Variants in SCFD1 observed in about 807,000 individuals in gnomAD.
SCFD1 encodes the protein sec1 family domain-containing protein 1.
Under a neutral mutation model 103.2 loss-of-function variants are expected in SCFD1, and 37 were observed. The ratio of observed to expected loss-of-function variants is 0.36; its 90% CI spans 0.28 to 0.47. SCFD1 has a LOEUF of 0.47. SCFD1 is among the 20% of genes least tolerant of loss of function. The probability of loss-of-function intolerance (pLI) is 1.00; values close to 1 mark genes in which losing one functional copy is unlikely to be tolerated. For missense variants in SCFD1, 639 were observed against 761.2 expected (o/e 0.84, Z 1.89); for synonymous variants, 264 against 245.0 (o/e 1.08, Z -0.73).
chr14:30,729,766 G>T (rs998913869), intron 23 of SCFD1, among the ~76,000 whole-genome samples: 3 of 152,068 alleles, frequency 2.0e-5, no homozygotes, highest in Non-Finnish European at 2.9e-5. Context: ...GTTAATTAAG[G>T]CTTCTGGTCC....
At chr14:30,702,439 A>ATTTTCTTG in intron 17 of SCFD1, 64 bp downstream of exon 17, 1 of 986,760 alleles carries the variant, frequency 1.0e-6, no homozygotes, top group Non-Finnish European at 1.5e-6. Context: ...CTTCATTCCC[A>ATTTTCTTG]AGAAAATGGG....
Position 30,735,007 on chromosome 14 carries a change from C to T in SCFD1, c.1905+149C>T, listed in dbSNP as rs1026357922. ...TACCAAGATAAGGTGTTTTCATGGA[C>T]GACTAAGAAAACCTTGATAAGTAAT... is the stretch of plus-strand genomic sequence containing the variant. On this transcript the variant is annotated intron_variant, in intron 24 of 24. Transcript: ENST00000458591. The T allele has an allele frequency of 6.4e-5, 38 of 589,974 alleles. No homozygotes were observed. In the East Asian group the frequency reaches 6.6e-4, roughly 10 times the overall value. 36.5% of individuals were successfully genotyped at this position (589,974 alleles called of 1,614,324 possible). A position where few individuals can be genotyped will look rare whatever the true frequency, so the allele number is the denominator to read the frequency against.
At chr14:30,675,317 C>A in intron 14 of SCFD1, 1 of 286,276 alleles carries the variant, frequency 3.5e-6, no homozygotes. Context: ...TTATATTGCA[C>A]TGCCTCAATA....
At chr14:30,733,166 C>T (rs1308061472) in intron 23 of SCFD1, among the ~76,000 whole-genome samples, 1 of 152,038 alleles carries the variant, frequency 6.6e-6, no homozygotes, top group African/African-American at 2.4e-5. Context: ...TGCGCCACCA[C>T]ACCTGGCTAA....
rs1486729705 is a variant in SCFD1 at position 30,712,148 on chromosome 14, TATCATTGATAC to T, written c.1630-3772_1630-3762del. ...CTTCACTGGCAACTTTCCACCCTTC[TATCATTGATAC>T]ATCTCTCATCTCCAGTGTTTCCAGT... On this transcript the variant is annotated intron_variant, in intron 19 of 24. Transcript: ENST00000458591. 2.6e-4 allele frequency among the ~76,000 whole-genome samples: 39 copies of T among 152,310 alleles called. No individual in the cohort carries two copies. The South Asian group carries it at 7.9e-3, about 31-fold the overall frequency.
At chr14:30,684,803 C>CTTTTTTTTTTT (rs780577178) in intron 14 of SCFD1, among the ~76,000 whole-genome samples, 1 of 54,882 alleles carries the variant, frequency 1.8e-5, no homozygotes, top group African/African-American at 9.4e-5. Context: ...GCAATTGTTT[C>CTTTTTTTTTTT]TTTTTTTTTT....
chr14:30,679,162 CATT>C (rs1214060835), intron 14 of SCFD1, among the ~76,000 whole-genome samples: 1 of 152,124 alleles, frequency 6.6e-6, no homozygotes, highest in Admixed American at 6.5e-5. Flanking sequence ...CCAGTAGCCA[CATT>C]ATTAACATGT....
At position 30,634,007 on chromosome 14, in the gene SCFD1, A is replaced by C. The variant is rs1290324478; in HGVS notation, c.282A>C (p.Pro94=). The C allele has an allele frequency of 6.3e-7, 1 of 1,596,868 alleles. No homozygotes were observed. The highest frequency in any genetic ancestry group is 8.6e-7 in the Non-Finnish European group (1 of 1,168,218). ...PDVPAVYFVM[P]TEENIDRMCQ... Reference sequence around the variant, plus strand: ...TTCCTGCAGTATACTTTGTAATGCCAACTGAAGAAAATATTGACAGAATGT... The same window carrying C: ...TTCCTGCAGTATACTTTGTAATGCCCACTGAAGAAAATATTGACAGAATGT... Residue 94 remains proline, a synonymous_variant, in exon 4 of 25, where the codon CCA becomes CCC. Coordinates refer to ENST00000458591, the MANE Select transcript of SCFD1 (RefSeq NM_016106.4).
chr14:30,719,419 C>T, intron 21 of SCFD1, 42 bp downstream of exon 21: 10 of 1,445,874 alleles, frequency 6.9e-6, no homozygotes, highest in Non-Finnish European at 9.6e-6. Context: ...ATTTTTTCCC[C>T]TCGAGAATGG....
intron 6 of SCFD1, among the ~76,000 whole-genome samples, chr14:30,640,625 G>A (rs1885175031): frequency 6.6e-6 from 1 of 151,856 alleles, no homozygotes; most frequent in South Asian, 2.1e-4. Flanking sequence ...AGAAAAATTG[G>A]TGTGTTGAAT....
At chr14:30,664,801 G>A (rs150626845) in intron 10 of SCFD1, among the ~76,000 whole-genome samples, 71 of 152,262 alleles carry the variant, frequency 4.7e-4, no homozygotes, top group African/African-American at 1.6e-3. Context: ...ATCAATGATT[G>A]AAGATCAAAT....
At chr14:30,633,224 GCCTCTTT>G (rs1180369508) in intron 3 of SCFD1, among the ~76,000 whole-genome samples, 4 of 152,130 alleles carry the variant, frequency 2.6e-5, no homozygotes, top group Non-Finnish European at 5.9e-5. Context: ...GGCAGCATGT[GCCTCTTT>G]CCTCTCTCTC....
At chr14:30,719,191 CT>C in intron 20 of SCFD1, 133 bp from the exon 21 acceptor site, 1 of 653,902 alleles carries the variant, frequency 1.5e-6, no homozygotes. Flanking sequence ...ATAGTAAGTG[CT>C]CATTAAGTAT....
At chr14:30,733,859 C>G (rs17097161) in intron 23 of SCFD1, among the ~76,000 whole-genome samples, 2,211 of 152,272 alleles carry the variant, frequency 0.015, 49 homozygotes, top group African/African-American at 0.051. Flanking sequence ...ATCAGGTTCT[C>G]CTGGGAGCTA....
intron 23 of SCFD1, among the ~76,000 whole-genome samples, chr14:30,730,269 T>G (rs1382686998): frequency 6.6e-6 from 1 of 152,208 alleles, no homozygotes; most frequent in Non-Finnish European, 1.5e-5. Context: ...TGATGGACAT[T>G]TGGGTTGGTT....
intron 10 of SCFD1, among the ~76,000 whole-genome samples, chr14:30,665,719 C>CA (rs1012451262): frequency 2.0e-5 from 3 of 150,470 alleles, no homozygotes; most frequent in South Asian, 2.1e-4. Flanking sequence ...AAATGGAAAG[C>CA]AAAAAAAAGC....
intron 21 of SCFD1, chr14:30,721,624 C>G (rs1892657337): frequency 2.5e-6 from 1 of 402,852 alleles, no homozygotes; most frequent in Non-Finnish European, 4.4e-6. Flanking sequence ...GCTCAGTCAT[C>G]TAGAATTTTA....
chr14:30,667,740 C>T (rs959294345), intron 10 of SCFD1, among the ~76,000 whole-genome samples: 1 of 152,186 alleles, frequency 6.6e-6, no homozygotes, highest in African/African-American at 2.4e-5. Context: ...GCAAAAATCA[C>T]AAGCATTCTT....
chr14:30,716,017 G>A (rs748885544), intron 20 of SCFD1, 40 bp downstream of exon 20: 9 of 1,106,744 alleles, frequency 8.1e-6, no homozygotes, highest in Non-Finnish European at 1.2e-5. Flanking sequence ...ATTCCCGAAT[G>A]TGTCAAACTG....
Sources: allele counts gnomAD v4.1 joint callset (sites outside exome capture counted in the v4.1 genomes callset), GRCh38; gene constraint gnomAD v4.1.1; transcripts MANE v1.5; gene names NCBI Gene and HGNC (gene_info 2026-07-23, HGNC 2026-07-21).